Variants in CNTN1 observed in about 807,000 individuals in gnomAD.
CNTN1 encodes contactin-1.
Under a neutral mutation model 126.4 loss-of-function variants are expected in CNTN1, and 38 were observed. That is an observed-to-expected ratio of 0.30 (90% CI 0.23 to 0.39). CNTN1 has a LOEUF of 0.39. CNTN1 is among the 10% of genes least tolerant of loss of function. The pLI is 1.00. For synonymous variants in CNTN1, 413 were observed against 422.6 expected, an observed-to-expected ratio of 0.98 and a Z score of 0.28; for missense variants, 1,009 against 1,248.4, an observed-to-expected ratio of 0.81 and a Z score of 2.89.
chr12:41,070,856 T>A lies in CNTN1; in HGVS notation c.*821T>A, dbSNP rs1171546380. The A allele has an allele frequency of 6.6e-6, 1 of 152,086 alleles. No individual in the cohort carries two copies. Among genetic ancestry groups the A allele is most frequent in the Admixed American group, 6.5e-5 (1 of 15,270 alleles). 9.4% of individuals were successfully genotyped at this position (152,086 alleles called of 1,614,324 possible). A position where few individuals can be genotyped will look rare whatever the true frequency, so the allele number is the denominator to read the frequency against. The stretch of plus-strand genomic sequence containing the variant: ...AGTATCATAATATTGCTATATTTGT[T>A]CATATGTGGAGTGACAAATTTTGAA... On this transcript the variant is annotated 3_prime_UTR_variant, in exon 24 of 24. Transcript: ENST00000551295.
At chr12:40,917,426 G>A (rs569379396) in intron 3 of CNTN1, among the ~76,000 whole-genome samples, 3 of 152,194 alleles carry the variant, frequency 2.0e-5, no homozygotes, top group South Asian at 4.1e-4. Context: ...GAGCTTTGGA[G>A]AGATTAAATA....
chr12:40,735,994 A>G (rs1321923834), intron 1 of CNTN1, among the ~76,000 whole-genome samples: 7 of 152,050 alleles, frequency 4.6e-5, no homozygotes, highest in African/African-American at 1.7e-4. Context: ...TAAGCAGAGG[A>G]GAAAACATCT....
chr12:40,882,430 G>C (rs1008257272), intron 1 of CNTN1, among the ~76,000 whole-genome samples: 3 of 151,692 alleles, frequency 2.0e-5, no homozygotes, highest in African/African-American at 7.2e-5. Context: ...AGTCATTCCA[G>C]TATGAAAATA....
chr12:40,701,181 G>A (rs1259739820), intron 1 of CNTN1, among the ~76,000 whole-genome samples: 1 of 152,082 alleles, frequency 6.6e-6, no homozygotes, highest in Non-Finnish European at 1.5e-5. Flanking sequence ...TTAATACAAG[G>A]AATTAAATCA....
At chr12:41,028,999 A>T (rs1949089427) in intron 22 of CNTN1, 64 bp from the exon 23 acceptor site, 1 of 1,447,928 alleles carries the variant, frequency 6.9e-7, no homozygotes, top group Non-Finnish European at 9.7e-7. Flanking sequence ...TTCTGGTTTT[A>T]GTGTTAGAGC....
intron 1 of CNTN1, among the ~76,000 whole-genome samples, chr12:40,711,262 T>C (rs925106772): frequency 2.6e-5 from 4 of 152,188 alleles, no homozygotes; most frequent in Non-Finnish European, 5.9e-5. Context: ...TTTTGGGTTA[T>C]GTTTCTCTAC....
chr12:40,720,127 A>C (rs1942157476), intron 1 of CNTN1, among the ~76,000 whole-genome samples: 1 of 87,402 alleles, frequency 1.1e-5, no homozygotes, highest in South Asian at 4.5e-4. Context: ...CTGGGATTAC[A>C]GGCATGAGCC....
At chr12:40,759,254 T>C (rs1280280467) in intron 1 of CNTN1, among the ~76,000 whole-genome samples, 3 of 152,130 alleles carry the variant, frequency 2.0e-5, no homozygotes, top group Non-Finnish European at 4.4e-5. Context: ...CCAATAAGGT[T>C]TGTTTATACA....
At chr12:40,910,186 C>A in intron 3 of CNTN1, 81 bp downstream of exon 3, 3 of 1,140,292 alleles carry the variant, frequency 2.6e-6, no homozygotes, top group South Asian at 2.6e-5. Flanking sequence ...ACTATTAACT[C>A]TCTAAACTTT....
intron 7 of CNTN1, 130 bp downstream of exon 7, chr12:40,930,132 T>C (rs1945833169): frequency 1.3e-6 from 1 of 795,930 alleles, no homozygotes; most frequent in Non-Finnish European, 2.2e-6. Flanking sequence ...AGGGGATGCA[T>C]GTTGAAGGGG....
At chr12:40,900,359 T>C (rs1592225864) in intron 1 of CNTN1, among the ~76,000 whole-genome samples, 1 of 152,186 alleles carries the variant, frequency 6.6e-6, no homozygotes, top group African/African-American at 2.4e-5. Context: ...ACGTATTCCC[T>C]GGAATTTCAG....
In CNTN1 at chr12:40,942,540, T is replaced by C. The variant is rs1219264105; in HGVS notation, c.1380-1057T>C. Among the ~76,000 whole-genome samples, 7 of 152,122 alleles carry C rather than the reference T, an allele frequency of 4.6e-5. No individual in the cohort carries two copies. The East Asian group carries it at 1.2e-3, about 25-fold the overall frequency. On this transcript the variant is annotated intron_variant, in intron 12 of 23. Transcript: ENST00000551295. ...TTAAAATTCCTCCCATGGTCAGTCA[T>C]TGGCTAAGAACAGCCTGTGGAATGT...
At chr12:40,744,906 A>T (rs1188341368) in intron 1 of CNTN1, among the ~76,000 whole-genome samples, 4 of 152,102 alleles carry the variant, frequency 2.6e-5, no homozygotes, top group African/African-American at 4.8e-5. Flanking sequence ...AAAAATAATC[A>T]TATTTATTTT....
chr12:40,813,103 T>G (rs993274528), intron 1 of CNTN1, among the ~76,000 whole-genome samples: 5 of 136,718 alleles, frequency 3.7e-5, no homozygotes, highest in Admixed American at 7.7e-5. Flanking sequence ...TTCTCTTTCT[T>G]TTTTTCTTTC....
At chr12:40,855,994 G>T (rs972477070) in intron 1 of CNTN1, among the ~76,000 whole-genome samples, 2 of 151,942 alleles carry the variant, frequency 1.3e-5, no homozygotes, top group Non-Finnish European at 2.9e-5. Context: ...CTTTTTGTTT[G>T]GTGCTCCCAA....
At chr12:40,842,016 TAAA>T (rs1035166723) in intron 1 of CNTN1, among the ~76,000 whole-genome samples, 2 of 151,788 alleles carry the variant, frequency 1.3e-5, no homozygotes, top group African/African-American at 2.4e-5. Flanking sequence ...AAGAAATAAA[TAAA>T]AAGATATTTT....
intron 1 of CNTN1, among the ~76,000 whole-genome samples, chr12:40,771,658 G>T (rs1464640848): frequency 6.6e-6 from 1 of 151,928 alleles, no homozygotes; most frequent in African/African-American, 2.4e-5. Flanking sequence ...GAATTAATAA[G>T]CACAATAGGC....
intron 16 of CNTN1, among the ~76,000 whole-genome samples, chr12:40,989,442 C>T (rs1480521361): frequency 6.6e-6 from 1 of 152,102 alleles, no homozygotes; most frequent in Non-Finnish European, 1.5e-5. Context: ...TAGAGTAGTA[C>T]TATCTGCTTT....
intron 1 of CNTN1, among the ~76,000 whole-genome samples, chr12:40,834,527 T>C (rs1412550792): frequency 6.6e-6 from 1 of 151,966 alleles, no homozygotes; most frequent in African/African-American, 2.4e-5. Flanking sequence ...ACATAGGAAT[T>C]TAAACAGATG....
Sources: allele counts gnomAD v4.1 joint callset (sites outside exome capture counted in the v4.1 genomes callset), GRCh38; gene constraint gnomAD v4.1.1; transcripts MANE v1.5; gene names NCBI Gene and HGNC (gene_info 2026-07-23, HGNC 2026-07-21).